Variants in NR5A2 observed in about 807,000 individuals in gnomAD.
The protein encoded by NR5A2 is nuclear receptor subfamily 5 group A member 2.
In NR5A2, 26 loss-of-function variants were observed where a neutral mutation model predicts 62.7. That is an observed-to-expected ratio of 0.41 (90% CI 0.30 to 0.58). The LOEUF is 0.58. NR5A2 is among the 20% of genes least tolerant of loss of function. The probability of loss-of-function intolerance (pLI) is 0.22; values close to 1 mark genes in which losing one functional copy is unlikely to be tolerated. For synonymous variants in NR5A2, 246 were observed against 241.7 expected (o/e 1.02, Z -0.16); for missense variants, 541 against 669.1 (o/e 0.81, Z 2.11).
chr1:200,132,114 A>C (rs1476854856), intron 7 of NR5A2, among the ~76,000 whole-genome samples: 1 of 152,040 alleles, frequency 6.6e-6, no homozygotes, highest in Non-Finnish European at 1.5e-5. Flanking sequence ...GGTTTGAGTG[A>C]TTCTCCTGCC....
At chr1:200,132,309 A>G (rs568351186) in intron 7 of NR5A2, among the ~76,000 whole-genome samples, 4 of 152,048 alleles carry the variant, frequency 2.6e-5, no homozygotes, top group African/African-American at 4.8e-5. Flanking sequence ...TGTGCCCGGC[A>G]AGAACTGGCA....
chr1:200,045,455 C>T lies in NR5A2; in HGVS notation c.334C>T (p.Arg112Ter). Reference protein sequence around the residue: ...TCESCKGFFKRTVQNNKRYTC... With the variant: ...TCESCKGFFK ...CTCTGTCTTATAGGGATTTTTTAAG[C>T]GAACAGTCCAAAATAATAAAAGGTA... The change falls in exon 4 of 8, where the codon CGA becomes TGA. Residue 112 changes from arginine (R) to a stop codon, truncating the protein, a stop_gained. Transcript: ENST00000367362. LOFTEE classifies it high-confidence loss of function. The T allele has an allele frequency of 3.8e-6, 6 of 1,598,814 alleles. No individual in the cohort carries two copies. The highest frequency in any genetic ancestry group is 5.1e-6 in the Non-Finnish European group (6 of 1,174,396).
intron 7 of NR5A2, among the ~76,000 whole-genome samples, chr1:200,121,414 G>A (rs1666475889): frequency 1.3e-5 from 2 of 151,954 alleles, no homozygotes; most frequent in South Asian, 2.1e-4. Context: ...AATCTCTATC[G>A]GGATTAACTA....
intron 7 of NR5A2, among the ~76,000 whole-genome samples, chr1:200,170,084 A>G (rs1654101139): frequency 6.6e-6 from 1 of 152,078 alleles, no homozygotes; most frequent in African/African-American, 2.4e-5. Flanking sequence ...ACATGTAATC[A>G]TTTGTCTAGA....
chr1:200,063,260 A>T (rs1663312554), intron 5 of NR5A2, among the ~76,000 whole-genome samples: 1 of 151,554 alleles, frequency 6.6e-6, no homozygotes, highest in Non-Finnish European at 1.5e-5. Flanking sequence ...TCCTGACCTC[A>T]TGATCCACCT....
intron 7 of NR5A2, among the ~76,000 whole-genome samples, chr1:200,128,185 C>T (rs1034503417): frequency 6.6e-6 from 1 of 152,278 alleles, no homozygotes; most frequent in African/African-American, 2.4e-5. Flanking sequence ...AGAACCCGAG[C>T]ATACAAAACA....
chr1:200,093,952 C>G (rs1457076465), intron 5 of NR5A2, among the ~76,000 whole-genome samples: 1 of 152,084 alleles, frequency 6.6e-6, no homozygotes, highest in Non-Finnish European at 1.5e-5. Flanking sequence ...GTTAGGAGTT[C>G]AAGACCAGCC....
At chr1:200,091,206 T>C (rs1206406733) in intron 5 of NR5A2, among the ~76,000 whole-genome samples, 1 of 152,200 alleles carries the variant, frequency 6.6e-6, no homozygotes, top group Non-Finnish European at 1.5e-5. Flanking sequence ...GGTTAGGGAC[T>C]AGACTGACTT....
chr1:200,047,584 C>CTTTTTT (rs3066613), intron 4 of NR5A2, among the ~76,000 whole-genome samples: 45 of 148,314 alleles, frequency 3.0e-4, no homozygotes, highest in African/African-American at 4.3e-4. Flanking sequence ...TATTTCTTTT[C>CTTTTTT]TTTTTTTTGA....
intron 7 of NR5A2, among the ~76,000 whole-genome samples, chr1:200,126,683 ATTT>A (rs3034021): frequency 0.43 from 62,941 of 144,888 alleles, 13,213 homozygotes; most frequent in Middle Eastern, 0.49. Context: ...TATGAAGGGG[ATTT>A]TTTTTTTTTT....
rs1654445869 is a variant in NR5A2, at chr1:200,176,878, G to A, written c.*2668G>A. 6.6e-6 allele frequency: 1 copy of A among 152,128 alleles called. No homozygotes were observed. Among genetic ancestry groups the A allele is most frequent in the African/African-American group, 2.4e-5 (1 of 41,410 alleles). The allele number at this position is 152,128 out of a possible 1,614,324, so 9.4% of individuals were successfully genotyped here. On this transcript the variant is annotated 3_prime_UTR_variant, in exon 8 of 8. Transcript: ENST00000367362. ...CCACTGAAAATTAAACCTAAAAAAT[G>A]TCACATATTGGTATGTTGTTAACCT... is the stretch of plus-strand genomic sequence containing the variant.
chr1:200,102,329 C>A (rs1434023664), intron 5 of NR5A2, among the ~76,000 whole-genome samples: 1 of 152,198 alleles, frequency 6.6e-6, no homozygotes, highest in Non-Finnish European at 1.5e-5. Context: ...TGAATGCTCA[C>A]TGTTGGACCC....
intron 6 of NR5A2, among the ~76,000 whole-genome samples, chr1:200,118,374 G>A (rs958778715): frequency 5.9e-5 from 9 of 152,142 alleles, no homozygotes; most frequent in East Asian, 1.9e-4. Flanking sequence ...CAGCTACAGC[G>A]CATTCCGTTG....
intron 5 of NR5A2, chr1:200,057,541 C>T (rs1381572965): frequency 6.9e-6 from 2 of 290,752 alleles, no homozygotes; most frequent in Non-Finnish European, 1.4e-5. Flanking sequence ...TGCAGTGGCA[C>T]GATCTTGGCT....
chr1:200,028,995 G>T, intron 1 of NR5A2: 1 of 420,038 alleles, frequency 2.4e-6, no homozygotes. Context: ...ACATGGGGAA[G>T]GTAAGCAGGG....
chr1:200,090,762 G>A (rs546604483), intron 5 of NR5A2, among the ~76,000 whole-genome samples: 7 of 152,310 alleles, frequency 4.6e-5, no homozygotes, highest in Admixed American at 2.0e-4. Flanking sequence ...GGGGGCATCA[G>A]TGAGACCAGG....
Position 200,111,187 on chromosome 1 carries a change from C to G in NR5A2, c.1111-15C>G. On this transcript the variant is annotated splice_polypyrimidine_tract_variant and intron_variant, in intron 5 of 7. Coordinates refer to ENST00000367362, the MANE Select transcript of NR5A2 (RefSeq NM_205860.3). ...TTTTGTTTTTTTTGTTTGTTTGTTT[C>G]TATTTCTTTTGCAGGTTGATGACCA... 6.3e-7 allele frequency: 1 copy of G among 1,599,480 alleles called. No individual in the cohort carries two copies.
chr1:200,148,184 G>GCAAC (rs1438123475), intron 7 of NR5A2: 1 of 303,780 alleles, frequency 3.3e-6, no homozygotes, highest in Non-Finnish European at 5.8e-6. Context: ...GGACGCTTCT[G>GCAAC]CAACCTGTCC....
At chr1:200,031,755 T>A (rs972634133) in intron 1 of NR5A2, among the ~76,000 whole-genome samples, 4 of 151,934 alleles carry the variant, frequency 2.6e-5, no homozygotes, top group African/African-American at 9.7e-5. Flanking sequence ...ATTTTTTGTA[T>A]TTTTAGTAGA....
Sources: gnomAD v4.1 joint callset for allele counts (sites outside exome capture counted in the v4.1 genomes callset) on GRCh38, gnomAD v4.1.1 for gene constraint, MANE v1.5 for transcripts, NCBI Gene and HGNC (gene_info 2026-07-23, HGNC 2026-07-21) for gene names.